LDLRAD4: variants seen among roughly 807,000 people sequenced by gnomAD.
LDLRAD4 encodes low-density lipoprotein receptor class A domain-containing protein 4.
Under a neutral mutation model 17.0 loss-of-function variants are expected in LDLRAD4, and 5 were observed. That is an observed-to-expected ratio of 0.29 (90% CI 0.15 to 0.62). The LOEUF (loss-of-function observed/expected upper bound fraction) is 0.62. LDLRAD4 is among the 20% of genes least tolerant of loss of function. The probability of loss-of-function intolerance (pLI) is 0.84; values close to 1 mark genes in which losing one functional copy is unlikely to be tolerated. For missense variants in LDLRAD4, 340 were observed against 424.7 expected (o/e 0.80, Z 1.75); for synonymous variants, 168 against 171.8 (o/e 0.98, Z 0.17).
intron 3 of LDLRAD4, chr18:13,515,715 T>G (rs575074561): frequency 6.6e-6 from 1 of 152,370 alleles, no homozygotes; most frequent in Admixed American, 6.5e-5. Flanking sequence ...AGCTGAAACA[T>G]TTCTAAATTA....
intron 3 of LDLRAD4, among the ~76,000 whole-genome samples, chr18:13,453,145 C>T (rs1474508014): frequency 6.6e-6 from 1 of 152,168 alleles, no homozygotes; most frequent in Non-Finnish European, 1.5e-5. Flanking sequence ...AGAAGCAGGA[C>T]CCCGGTATCT....
At chr18:13,289,958 C>T (rs34853103) in intron 1 of LDLRAD4, among the ~76,000 whole-genome samples, 13,871 of 152,240 alleles carry the variant, frequency 0.091, 693 homozygotes, top group South Asian at 0.13. Flanking sequence ...CTGGATGTTC[C>T]GGTCAGGACA....
chr18:13,280,919 A>G (rs1004372357), intron 1 of LDLRAD4, among the ~76,000 whole-genome samples: 10 of 152,324 alleles, frequency 6.6e-5, no homozygotes, highest in Admixed American at 1.3e-4. Flanking sequence ...CTGAACTTCT[A>G]TCTTTGCTCA....
At chr18:13,428,273 A>T (rs2090090901) in intron 2 of LDLRAD4, among the ~76,000 whole-genome samples, 1 of 152,116 alleles carries the variant, frequency 6.6e-6, no homozygotes, top group Non-Finnish European at 1.5e-5. Context: ...GGCGATGGTG[A>T]TGTTTGCACG....
At chr18:13,375,468 G>A (rs893653151) in intron 1 of LDLRAD4, among the ~76,000 whole-genome samples, 31 of 152,252 alleles carry the variant, frequency 2.0e-4, no homozygotes, top group African/African-American at 5.5e-4. Context: ...CCTGTGGCTC[G>A]GCAGTGCGAG....
chr18:13,334,942 C>T (rs1181247419), intron 1 of LDLRAD4, among the ~76,000 whole-genome samples: 1 of 152,118 alleles, frequency 6.6e-6, no homozygotes, highest in Non-Finnish European at 1.5e-5. Flanking sequence ...AATTGATAAA[C>T]TTAGCTCATT....
At chr18:13,328,760 A>G (rs1241488912) in intron 1 of LDLRAD4, among the ~76,000 whole-genome samples, 2 of 152,230 alleles carry the variant, frequency 1.3e-5, no homozygotes, top group African/African-American at 4.8e-5. Context: ...ATATAAAAAG[A>G]TGTTTATTGA....
chr18:13,270,209 A>T (rs1244508152), intron 1 of LDLRAD4, among the ~76,000 whole-genome samples: 2 of 152,122 alleles, frequency 1.3e-5, no homozygotes, highest in African/African-American at 4.8e-5. Context: ...CAAAAATTTT[A>T]AAAATTAGCT....
intron 2 of LDLRAD4, among the ~76,000 whole-genome samples, chr18:13,388,332 A>G (rs1167370006): frequency 1.3e-5 from 2 of 152,180 alleles, no homozygotes; most frequent in Admixed American, 6.5e-5. Context: ...GCCCTCGCCC[A>G]AGACACAGGA....
At chr18:13,591,157 G>C (rs186909257) in intron 3 of LDLRAD4, among the ~76,000 whole-genome samples, 2 of 152,246 alleles carry the variant, frequency 1.3e-5, no homozygotes, top group African/African-American at 4.8e-5. Context: ...GTAGAATTCT[G>C]TGTCTTCTCT....
At chr18:13,649,538 C>G (rs1307119213) in exon 6 of LDLRAD4, 1 of 152,380 alleles carries the variant, frequency 6.6e-6, no homozygotes, top group South Asian at 2.1e-4. Context: ...CTCAAAGGAC[C>G]GGCTCATGGC....
intron 1 of LDLRAD4, among the ~76,000 whole-genome samples, chr18:13,297,450 C>G (rs1267137342): frequency 1.3e-5 from 2 of 152,162 alleles, no homozygotes; most frequent in Admixed American, 6.5e-5. Context: ...TTCCAGTCAT[C>G]AAAACACTGT....
At chr18:13,463,118 C>T (rs1389267389) in intron 3 of LDLRAD4, among the ~76,000 whole-genome samples, 2 of 152,172 alleles carry the variant, frequency 1.3e-5, no homozygotes, top group African/African-American at 2.4e-5. Flanking sequence ...GATGCCACAC[C>T]GGGTTTCTAG....
chr18:13,514,627 A>G (rs1241492651), intron 3 of LDLRAD4: 2 of 152,040 alleles, frequency 1.3e-5, no homozygotes, highest in African/African-American at 2.4e-5. Flanking sequence ...TAAATTCCAT[A>G]TTTGTGTCTA....
At chr18:13,527,556 C>A (rs547220347) in intron 3 of LDLRAD4, among the ~76,000 whole-genome samples, 54 of 152,358 alleles carry the variant, frequency 3.5e-4, no homozygotes, top group Middle Eastern at 6.8e-3. Flanking sequence ...CCCCAGCCTG[C>A]AGTCCCTCAC....
At chr18:13,548,454 C>T (rs556660400) in intron 3 of LDLRAD4, among the ~76,000 whole-genome samples, 2 of 152,338 alleles carry the variant, frequency 1.3e-5, no homozygotes, top group South Asian at 2.1e-4. Context: ...TGTTGGCACC[C>T]AAAGTCCAGA....
chr18:13,414,113 C>T (rs990376996), intron 2 of LDLRAD4, among the ~76,000 whole-genome samples: 3 of 152,220 alleles, frequency 2.0e-5, no homozygotes, highest in African/African-American at 7.2e-5. Context: ...AGGTCTACCT[C>T]ATGCCTCGTT....
chr18:13,630,084 C>T (rs995678336), intron 4 of LDLRAD4, among the ~76,000 whole-genome samples: 1 of 152,064 alleles, frequency 6.6e-6, no homozygotes, highest in African/African-American at 2.4e-5. Context: ...TCACTAACCC[C>T]AGCACCAAGC....
chr18:13,523,044 G>T (rs1468758497), intron 3 of LDLRAD4, among the ~76,000 whole-genome samples: 2 of 152,090 alleles, frequency 1.3e-5, no homozygotes, highest in African/African-American at 4.8e-5. Context: ...GATAGCCTGT[G>T]CCCGTGGAGG....
Sources: gnomAD v4.1 joint callset for allele counts (sites outside exome capture counted in the v4.1 genomes callset) on GRCh38, gnomAD v4.1.1 for gene constraint, MANE v1.5 for transcripts, NCBI Gene and HGNC (gene_info 2026-07-23, HGNC 2026-07-21) for gene names.